The following FAM86B1 variants were observed in gnomAD, a reference collection of about 807,000 sequenced individuals.
The protein encoded by FAM86B1 is putative protein N-methyltransferase FAM86B1.
For missense variants in FAM86B1, 13 were observed against 328.1 expected (o/e 0.04, Z 7.42); for synonymous variants, 4 against 137.6 (o/e 0.03, Z 6.79).
At chr8:12,194,643 G>A (rs1291250161), upstream of FAM86B1, 2 of 176,284 alleles carry the variant, frequency 1.1e-5, no homozygotes, top group South Asian at 8.4e-5. Flanking sequence ...ACTTGGGGAG[G>A]GGCCCAGTGC....
rs1806370421 is a variant in FAM86B1, at chr8:12,189,222, G to T, written c.240+586C>A. Among the ~76,000 whole-genome samples the T allele has an allele frequency of 3.4e-5, 5 of 147,216 alleles. No homozygotes were observed. The South Asian group carries it at 1.1e-3, about 31-fold the overall frequency. On this transcript the variant is annotated intron_variant, in intron 3 of 6. Transcript: ENST00000448228. The stretch of plus-strand genomic sequence containing the variant: ...AGATTGTGCCACAGTAATCCAGCCT[G>T]GGCAACACAGTGAGACTCTGTCTCA...
intron 3 of FAM86B1, among the ~76,000 whole-genome samples, chr8:12,189,131 C>T (rs1251811942): frequency 7.0e-6 from 1 of 142,924 alleles, no homozygotes; most frequent in Non-Finnish European, 1.5e-5. Context: ...GCCTGTAGTC[C>T]CAGCTTCTTA....
In FAM86B1 at chr8:12,186,148, C is replaced by A; in HGVS notation, c.640+204G>T. ...ACGACTGTAACTGTAGTATGCCTGT[C>A]TCCAACAACAGGGCTGTGGCTTGAA... On this transcript the variant is annotated intron_variant, in intron 5 of 6. Coordinates refer to ENST00000448228, the MANE Select transcript of FAM86B1 (RefSeq NM_001083537.4). 2.7e-5 allele frequency: 10 copies of A among 375,802 alleles called. 2 individuals are homozygous for A. The South Asian group carries it at 3.0e-4, about 11-fold the overall frequency. 23.3% of individuals were successfully genotyped at this position (375,802 alleles called of 1,614,324 possible).
intron 1 of FAM86B1, among the ~76,000 whole-genome samples, chr8:12,192,555 C>A (rs1807076582): frequency 7.7e-6 from 1 of 130,012 alleles, no homozygotes; most frequent in Admixed American, 7.6e-5. Context: ...TCAAATGCCA[C>A]CTCTTTGGGG....
In FAM86B1 at chr8:12,182,428, C is replaced by G. The variant is rs1317038120; in HGVS notation, c.*1178G>C. On this transcript the variant is annotated 3_prime_UTR_variant, in exon 7 of 7. Transcript: ENST00000448228. The stretch of plus-strand genomic sequence containing the variant: ...TGCTGGGTTGTGAAGGGTCTCAAGT[C>G]CAAGTGAGGGGGGTTGTGAAGGGTC... The G allele has an allele frequency of 9.1e-6, 10 of 1,100,374 alleles. No homozygotes were observed. Among genetic ancestry groups the G allele is most frequent in the Non-Finnish European group, 1.3e-5 (10 of 778,936 alleles). The allele number at this position is 1,100,374 out of a possible 1,614,324, so 68.2% of individuals were successfully genotyped here.
At chr8:12,190,265 G>A (rs1416534008) in intron 2 of FAM86B1, among the ~76,000 whole-genome samples, 1 of 146,602 alleles carries the variant, frequency 6.8e-6, no homozygotes, top group Non-Finnish European at 1.5e-5. Context: ...CTGCTCTCTG[G>A]GAGCGTGTGT....
rs1388746074 is a variant in FAM86B1 at position 12,186,244 on chromosome 8, C to T, written c.640+108G>A. ...CCCAGAGTAACTCTTCTGGAAGCCC[C>T]ATCACATCCATGCCCGACAGTGTCC... On this transcript the variant is annotated intron_variant, in intron 5 of 6. Coordinates refer to ENST00000448228, the MANE Select transcript of FAM86B1 (RefSeq NM_001083537.4). The T allele has an allele frequency of 4.1e-5, 46 of 1,110,550 alleles. 6 individuals are homozygous for T. In the East Asian group the frequency reaches 7.3e-4, roughly 18 times the overall value. 68.8% of individuals were successfully genotyped at this position (1,110,550 alleles called of 1,614,324 possible). A position where few individuals can be genotyped will look rare whatever the true frequency, so the allele number is the denominator to read the frequency against.
intron 3 of FAM86B1, among the ~76,000 whole-genome samples, chr8:12,188,916 T>A (rs1806302153): frequency 9.9e-6 from 1 of 101,478 alleles, no homozygotes; most frequent in Non-Finnish European, 1.8e-5. Flanking sequence ...CCTCTCGACA[T>A]CCTCATGTCA....
At chr8:12,187,206 ATT>A (rs138357947) in intron 3 of FAM86B1, among the ~76,000 whole-genome samples, 3 of 17,140 alleles carry the variant, frequency 1.8e-4, no homozygotes, top group Non-Finnish European at 4.2e-4. Flanking sequence ...GTTTTATCTC[ATT>A]TTTTTTTTTT....
chr8:12,184,702 CAG>C (rs1805463432), intron 6 of FAM86B1, among the ~76,000 whole-genome samples: 2 of 22,630 alleles, frequency 8.8e-5, no homozygotes, highest in South Asian at 2.1e-3. Context: ...GGGCTGTGCT[CAG>C]GGGGAGCTGG....
chr8:12,188,412 AG>A (rs1806182934), intron 3 of FAM86B1: 1 of 435,830 alleles, frequency 2.3e-6, no homozygotes, highest in Non-Finnish European at 4.1e-6. Flanking sequence ...CCTGGGCAAC[AG>A]AGATCTTGTC....
chr8:12,187,206 A>ATTTT (rs138357947), intron 3 of FAM86B1, among the ~76,000 whole-genome samples: 6 of 17,114 alleles, frequency 3.5e-4, no homozygotes, highest in African/African-American at 5.0e-4. Flanking sequence ...GTTTTATCTC[A>ATTTT]TTTTTTTTTT....
At chr8:12,193,371 C>A (rs537116114) in intron 1 of FAM86B1, among the ~76,000 whole-genome samples, 3 of 142,308 alleles carry the variant, frequency 2.1e-5, no homozygotes, top group African/African-American at 6.0e-5. Flanking sequence ...ACAAATGGAA[C>A]GGGGTGCATT....
chr8:12,193,287 C>G (rs1255978070), intron 1 of FAM86B1, among the ~76,000 whole-genome samples: 2 of 145,770 alleles, frequency 1.4e-5, no homozygotes, highest in African/African-American at 5.6e-5. Flanking sequence ...AGCAACACCC[C>G]ATAAAATGGG....
At position 12,182,743 on chromosome 8, in the gene FAM86B1, C is replaced by A. The variant is rs1163514858; in HGVS notation, c.*863G>T. The A allele has an allele frequency of 6.3e-7, 1 of 1,583,698 alleles. No individual in the cohort carries two copies. Among genetic ancestry groups the A allele is most frequent in the South Asian group, 1.1e-5 (1 of 90,794 alleles). ...AACTCCTGGGCCAGAGGCTAAAACCCCAGGGCCCCTGCTGTCCTTCCCGCA... is the reference window on the plus strand; with the variant it reads ...AACTCCTGGGCCAGAGGCTAAAACCACAGGGCCCCTGCTGTCCTTCCCGCA... On this transcript the variant is annotated 3_prime_UTR_variant, in exon 7 of 7. Transcript: ENST00000448228.
chr8:12,186,260 G>C, intron 5 of FAM86B1, 92 bp downstream of exon 5: 2 of 1,176,516 alleles, frequency 1.7e-6, no homozygotes, highest in Non-Finnish European at 2.2e-6. Flanking sequence ...ATCCATGCCC[G>C]ACAGTGTCCA....
At chr8:12,190,987 A>G (rs1163491553) in intron 2 of FAM86B1, among the ~76,000 whole-genome samples, 1 of 147,712 alleles carries the variant, frequency 6.8e-6, no homozygotes, top group Non-Finnish European at 1.5e-5. Flanking sequence ...AGATAACTTC[A>G]GGTATCTCCA....
intron 2 of FAM86B1, among the ~76,000 whole-genome samples, chr8:12,191,402 T>A (rs1197015896): frequency 1.6e-5 from 2 of 123,620 alleles, no homozygotes; most frequent in African/African-American, 7.4e-5. Context: ...CATTTAGGTC[T>A]AGAAGAGACA....
chr8:12,193,354 A>G (rs1807256385), intron 1 of FAM86B1, among the ~76,000 whole-genome samples: 1 of 143,678 alleles, frequency 7.0e-6, no homozygotes, highest in Non-Finnish European at 1.5e-5. Context: ...CTCAATGCAC[A>G]TGAATTACAA....
Sources: allele counts gnomAD v4.1 joint callset (sites outside exome capture counted in the v4.1 genomes callset), GRCh38; gene constraint gnomAD v4.1.1; transcripts MANE v1.5; gene names NCBI Gene and HGNC (gene_info 2026-07-23, HGNC 2026-07-21).